Variants in TSGA10 observed in about 807,000 individuals in gnomAD.
The protein encoded by TSGA10 is testis-specific gene 10 protein.
A neutral mutation model predicts 96.6 loss-of-function variants in TSGA10; 43 were observed. The observed-to-expected ratio is 0.44, with a 90% CI of 0.35 to 0.57. TSGA10 has a LOEUF of 0.57. Among genes scored for constraint, TSGA10 ranks in the 20% least tolerant of loss-of-function variants. The probability of loss-of-function intolerance (pLI) is 0.01; values close to 1 mark genes in which losing one functional copy is unlikely to be tolerated. For missense variants in TSGA10, 703 were observed against 834.4 expected (o/e 0.84, Z 1.94); for synonymous variants, 229 against 269.9 (o/e 0.85, Z 1.48).
intron 2 of TSGA10, chr2:99,124,789 G>T (rs1375516996): frequency 6.6e-6 from 1 of 152,018 alleles, no homozygotes; most frequent in African/African-American, 2.4e-5. Flanking sequence ...GTTTCACCGT[G>T]TTAGCCAGGA....
chr2:99,026,507 C>T (rs963176849), intron 17 of TSGA10, among the ~76,000 whole-genome samples: 1 of 151,936 alleles, frequency 6.6e-6, no homozygotes. Flanking sequence ...GTAAGCTCTG[C>T]CTCCCAGGTT....
At chr2:99,093,853 A>G (rs1033130595) in intron 10 of TSGA10, among the ~76,000 whole-genome samples, 4 of 152,152 alleles carry the variant, frequency 2.6e-5, no homozygotes, top group Admixed American at 1.3e-4. Context: ...ATTCAATGCA[A>G]TTCCCATCAA....
At chr2:99,133,927 C>T (rs1195393025) in intron 1 of TSGA10, among the ~76,000 whole-genome samples, 4 of 152,226 alleles carry the variant, frequency 2.6e-5, no homozygotes, top group East Asian at 3.8e-4. Context: ...TCTCTTCTGG[C>T]TTGTAGGGTT....
chr2:99,150,379 T>G (rs1302132638), intron 1 of TSGA10: 2 of 633,740 alleles, frequency 3.2e-6, no homozygotes, highest in Non-Finnish European at 5.2e-6. Context: ...GCAATTTTAC[T>G]TTATATTTCT....
intron 16 of TSGA10, among the ~76,000 whole-genome samples, chr2:99,042,040 A>AT (rs5832865): frequency 0.051 from 2,978 of 57,864 alleles, 52 homozygotes; most frequent in Admixed American, 0.075. Flanking sequence ...GCCCCCCCAC[A>AT]TTTTTTTTTT....
At chr2:99,012,370 C>T (rs2079076101) in intron 20 of TSGA10, among the ~76,000 whole-genome samples, 2 of 152,038 alleles carry the variant, frequency 1.3e-5, no homozygotes, top group Admixed American at 1.3e-4. Context: ...CTAAATAGTC[C>T]ACTTAAAAGA....
At chr2:99,015,184 C>T (rs1444173571) in intron 20 of TSGA10, among the ~76,000 whole-genome samples, 1 of 152,040 alleles carries the variant, frequency 6.6e-6, no homozygotes, top group African/African-American at 2.4e-5. Context: ...AAGGACATAA[C>T]AAAAAGTGAA....
chr2:99,100,087 A>T (rs2104764792), intron 10 of TSGA10, among the ~76,000 whole-genome samples: 1 of 152,298 alleles, frequency 6.6e-6, no homozygotes, highest in Non-Finnish European at 1.5e-5. Context: ...AAATAACATA[A>T]AAATAAATGA....
At chr2:99,114,113 CCAGA>C (rs1176630781) in intron 4 of TSGA10, among the ~76,000 whole-genome samples, 3 of 152,250 alleles carry the variant, frequency 2.0e-5, no homozygotes, top group Middle Eastern at 3.4e-3. Context: ...TATCTCAATT[CCAGA>C]CAAACTAACA....
At chr2:99,003,364 C>T (rs1033193226) in intron 20 of TSGA10, among the ~76,000 whole-genome samples, 4 of 152,158 alleles carry the variant, frequency 2.6e-5, no homozygotes, top group African/African-American at 9.7e-5. Context: ...GACTTTAACA[C>T]CCCACTGTCA....
intron 5 of TSGA10, 176 bp from the exon 6 acceptor site, chr2:99,109,688 A>G (rs1289712203): frequency 2.8e-6 from 1 of 356,246 alleles, no homozygotes; most frequent in Admixed American, 4.6e-5. Context: ...CATTTAAAAA[A>G]TTATATATCA....
Position 99,117,591 on chromosome 2 carries a change from T to C in TSGA10, c.-187A>G, listed in dbSNP as rs2092346319. The C allele has an allele frequency of 1.0e-6, 1 of 985,870 alleles. No individual in the cohort carries two copies. The highest frequency in any genetic ancestry group is 1.7e-5 in the African/African-American group (1 of 57,366). 61.1% of individuals were successfully genotyped at this position (985,870 alleles called of 1,614,324 possible). On this transcript the variant is annotated 5_prime_UTR_variant, in exon 4 of 21. Transcript: ENST00000393483. ...TTGGCGGAATCCACCACAAAATTTT[T>C]CTCTTTTTCGAGTTGCTCTGCTAGT...
intron 20 of TSGA10, among the ~76,000 whole-genome samples, chr2:99,015,612 C>T (rs1336750836): frequency 6.6e-6 from 1 of 152,120 alleles, no homozygotes; most frequent in East Asian, 1.9e-4. Context: ...CCACTTTCAT[C>T]GCTTCTATTC....
intron 1 of TSGA10, among the ~76,000 whole-genome samples, chr2:99,135,083 T>C (rs768595040): frequency 1.3e-5 from 2 of 152,220 alleles, no homozygotes; most frequent in African/African-American, 4.8e-5. Context: ...AGGGACCCAC[T>C]TGAGGCAGCA....
At chr2:99,031,392 T>C (rs1383879523) in intron 17 of TSGA10, among the ~76,000 whole-genome samples, 1 of 145,464 alleles carries the variant, frequency 6.9e-6, no homozygotes, top group Non-Finnish European at 1.5e-5. Context: ...AATAAAACTA[T>C]AAAACATTTA....
intron 11 of TSGA10, among the ~76,000 whole-genome samples, chr2:99,080,432 A>G (rs950456464): frequency 2.6e-5 from 4 of 152,008 alleles, no homozygotes; most frequent in African/African-American, 7.2e-5. Flanking sequence ...CTCATTCTCT[A>G]TATTTCCCTA....
Position 99,093,099 on chromosome 2 carries a change from T to C in TSGA10, c.611+10868A>G, listed in dbSNP as rs190077185. On this transcript the variant is annotated intron_variant, in intron 10 of 20. Transcript: ENST00000393483. ...CCAGGGAGGCAGGGAAGGTTTAACA[T>C]ACGCAAGTCAATAAATGTGACAGAC... Among the ~76,000 whole-genome samples the C allele has an allele frequency of 2.0e-5, 3 of 152,210 alleles. No homozygotes were observed. The East Asian group carries it at 5.8e-4, about 29-fold the overall frequency.
intron 1 of TSGA10, among the ~76,000 whole-genome samples, chr2:99,137,630 G>C (rs148239668): frequency 1.3e-4 from 20 of 151,656 alleles, no homozygotes; most frequent in African/African-American, 4.6e-4. Flanking sequence ...TGATTGATAT[G>C]ATATCAGTGT....
chr2:99,068,853 A>C (rs2085576383), intron 15 of TSGA10, 35 bp downstream of exon 15: 2 of 1,069,470 alleles, frequency 1.9e-6, no homozygotes, highest in East Asian at 5.7e-5. Flanking sequence ...GTGAAAACTA[A>C]GTATCATGAG....
Sources: gnomAD v4.1 joint callset for allele counts (sites outside exome capture counted in the v4.1 genomes callset) on GRCh38, gnomAD v4.1.1 for gene constraint, MANE v1.5 for transcripts, NCBI Gene and HGNC (gene_info 2026-07-23, HGNC 2026-07-21) for gene names.